LRCH1: variants seen among roughly 807,000 people sequenced by gnomAD.
LRCH1 encodes the protein leucine rich repeats and calponin homology domain containing 1.
A neutral mutation model predicts 94.9 loss-of-function variants in LRCH1; 23 were observed. The observed-to-expected ratio is 0.24, with a 90% CI of 0.17 to 0.34. The LOEUF (loss-of-function observed/expected upper bound fraction) is 0.34. Among genes scored for constraint, LRCH1 ranks in the 10% least tolerant of loss-of-function variants. The probability of loss-of-function intolerance (pLI) is 1.00; values close to 1 mark genes in which losing one functional copy is unlikely to be tolerated. For synonymous variants in LRCH1, 364 were observed against 354.9 expected (o/e 1.03, Z -0.29); for missense variants, 790 against 945.9 (o/e 0.84, Z 2.16).
chr13:46,726,862 CAAAAAAAA>C (rs71077918), intron 17 of LRCH1, among the ~76,000 whole-genome samples: 1 of 78,004 alleles, frequency 1.3e-5, no homozygotes, highest in African/African-American at 5.5e-5. Flanking sequence ...AGAGCAGTGT[CAAAAAAAA>C]AAAAAAAAAA....
chr13:46,582,648 CTTTTTTT>C lies in LRCH1; in HGVS notation c.307+28963_307+28969del, dbSNP rs551678501. ...CACAGGCACGCACCACCATGCCCAGCTTTTTTTTTTTTTTTTTTTTTTTTGTATTTTT... is the reference window on the plus strand; with the variant it reads ...CACAGGCACGCACCACCATGCCCAGCTTTTTTTTTTTTTTTTTGTATTTTT... On this transcript the variant is annotated intron_variant, in intron 1 of 19. Transcript: ENST00000389797. 3.4e-3 allele frequency among the ~76,000 whole-genome samples: 79 copies of C among 23,336 alleles called. 2 individuals are homozygous for C. In the South Asian group the frequency reaches 0.073, roughly 22 times the overall value. 15.3% of individuals were successfully genotyped at this position (23,336 alleles called of 152,430 possible).
intron 1 of LRCH1, among the ~76,000 whole-genome samples, chr13:46,554,722 G>A (rs933374569): frequency 6.6e-6 from 1 of 152,206 alleles, no homozygotes; most frequent in Non-Finnish European, 1.5e-5. Flanking sequence ...GGTCTATACA[G>A]AACTGACTTG....
At chr13:46,679,304 A>G (rs1464753488) in intron 3 of LRCH1, among the ~76,000 whole-genome samples, 1 of 152,260 alleles carries the variant, frequency 6.6e-6, no homozygotes, top group Non-Finnish European at 1.5e-5. Flanking sequence ...ATAGGATGGA[A>G]TGGCACCTTT....
chr13:46,675,553 C>CT (rs2051660471), intron 3 of LRCH1, among the ~76,000 whole-genome samples: 1 of 152,074 alleles, frequency 6.6e-6, no homozygotes, highest in African/African-American at 2.4e-5. Context: ...ATTTTTTATT[C>CT]TTTTTTCATG....
intron 14 of LRCH1, among the ~76,000 whole-genome samples, chr13:46,712,218 T>C (rs1407073409): frequency 6.6e-6 from 1 of 152,156 alleles, no homozygotes; most frequent in African/African-American, 2.4e-5. Context: ...TATAAATGGA[T>C]ATAGTGTGTG....
At chr13:46,562,044 G>T (rs2050134830) in intron 1 of LRCH1, among the ~76,000 whole-genome samples, 1 of 152,036 alleles carries the variant, frequency 6.6e-6, no homozygotes, top group African/African-American at 2.4e-5. Flanking sequence ...TGGCTTCCAT[G>T]CCCAGGACAG....
chr13:46,554,746 C>T (rs1473275368), intron 1 of LRCH1, among the ~76,000 whole-genome samples: 1 of 152,166 alleles, frequency 6.6e-6, no homozygotes, highest in Non-Finnish European at 1.5e-5. Flanking sequence ...TCCGGCCATC[C>T]GGTTCCGCTC....
At chr13:46,579,687 C>T (rs1270283640) in intron 1 of LRCH1, among the ~76,000 whole-genome samples, 1 of 152,170 alleles carries the variant, frequency 6.6e-6, no homozygotes, top group Non-Finnish European at 1.5e-5. Flanking sequence ...CTTTTCACCA[C>T]CTTGTTTGTC....
At chr13:46,702,862 C>T (rs2138183599) in intron 11 of LRCH1, among the ~76,000 whole-genome samples, 1 of 152,300 alleles carries the variant, frequency 6.6e-6, no homozygotes, top group East Asian at 1.9e-4. Context: ...GGACTGGAGT[C>T]AGCCAGTGCT....
intron 16 of LRCH1, among the ~76,000 whole-genome samples, chr13:46,721,850 A>G (rs1046378383): frequency 1.3e-5 from 2 of 152,170 alleles, no homozygotes; most frequent in East Asian, 1.9e-4. Flanking sequence ...AATTTTCTCA[A>G]CTTCCATAGA....
chr13:46,742,552 GCTGTTAGAGC>G lies in LRCH1; in HGVS notation c.*707_*716del. The stretch of plus-strand genomic sequence containing the variant: ...GCGCTCAAGGGAAGGAAGTGTCGTT[GCTGTTAGAGC>G]CTCACGTGGAGGAGTCACTTAAACA... On this transcript the variant is annotated 3_prime_UTR_variant, in exon 20 of 20. Coordinates refer to ENST00000389797, the MANE Select transcript of LRCH1 (RefSeq NM_001164211.2). The G allele has an allele frequency of 2.0e-6, 2 of 985,538 alleles. No homozygotes were observed. The highest frequency in any genetic ancestry group is 2.4e-6 in the Non-Finnish European group (2 of 830,022). The allele number at this position is 985,538 out of a possible 1,614,324, so 61.0% of individuals were successfully genotyped here. A position where few individuals can be genotyped will look rare whatever the true frequency, so the allele number is the denominator to read the frequency against.
intron 1 of LRCH1, among the ~76,000 whole-genome samples, chr13:46,585,563 A>AC (rs1392351669): frequency 6.6e-6 from 1 of 151,838 alleles, no homozygotes; most frequent in Admixed American, 6.6e-5. Context: ...AAAAAAAAAA[A>AC]AAAAAAAACA....
At chr13:46,577,454 T>A (rs1310687547) in intron 1 of LRCH1, among the ~76,000 whole-genome samples, 4 of 152,204 alleles carry the variant, frequency 2.6e-5, no homozygotes, top group Non-Finnish European at 5.9e-5. Context: ...CAACAGTTGA[T>A]TAACCTTAAT....
At chr13:46,708,483 G>A (rs1871890088) in intron 13 of LRCH1, among the ~76,000 whole-genome samples, 1 of 152,084 alleles carries the variant, frequency 6.6e-6, no homozygotes, top group Non-Finnish European at 1.5e-5. Context: ...CGTTGGCCAA[G>A]CTGGTCTCAA....
rs555474565 is a variant in LRCH1, at chr13:46,685,956, T to C, written c.737T>C (p.Leu246Pro). Residue 246 changes from leucine (L) to proline (P), a missense_variant, in exon 5 of 20, where the codon CTC becomes CCC. Coordinates refer to ENST00000389797, the MANE Select transcript of LRCH1 (RefSeq NM_001164211.2). The part of the protein sequence containing the change: ...VKFDFSCNKV[L>P]VIPICFREMK... ...TTTGACTTTTCCTGCAACAAAGTGCTCGTGATTCCAATTTGTTTTAGAGAG... is the reference window on the plus strand; with the variant it reads ...TTTGACTTTTCCTGCAACAAAGTGCCCGTGATTCCAATTTGTTTTAGAGAG... 111 of 1,611,406 alleles carry C rather than the reference T, an allele frequency of 6.9e-5. 2 individuals carry two copies. The South Asian group carries it at 1.1e-3, about 16-fold the overall frequency.
intron 19 of LRCH1, among the ~76,000 whole-genome samples, chr13:46,737,008 T>G (rs1269861237): frequency 6.6e-6 from 1 of 152,200 alleles, no homozygotes; most frequent in Non-Finnish European, 1.5e-5. Flanking sequence ...TTATTACATG[T>G]AAAGTAAGAA....
chr13:46,734,424 T>C (rs569815210), intron 19 of LRCH1, among the ~76,000 whole-genome samples: 1 of 152,336 alleles, frequency 6.6e-6, no homozygotes, highest in African/African-American at 2.4e-5. Flanking sequence ...TGTAGCTGTA[T>C]TTTCCATATG....
At chr13:46,666,761 C>CT (rs1160360622) in intron 2 of LRCH1, among the ~76,000 whole-genome samples, 102 of 152,286 alleles carry the variant, frequency 6.7e-4, no homozygotes, top group Non-Finnish European at 1.2e-3. Context: ...TTTTAATAAA[C>CT]TGAGTTCTCT....
chr13:46,634,853 G>A (rs4942560), intron 1 of LRCH1, among the ~76,000 whole-genome samples: 8,160 of 152,140 alleles, frequency 0.054, 340 homozygotes, highest in East Asian at 0.18. Context: ...TTCCTGGGGC[G>A]GGAAGGGTTG....
Sources: allele counts gnomAD v4.1 joint callset (sites outside exome capture counted in the v4.1 genomes callset), GRCh38; gene constraint gnomAD v4.1.1; transcripts MANE v1.5; gene names NCBI Gene and HGNC (gene_info 2026-07-23, HGNC 2026-07-21).